KPNA6: variants seen among roughly 807,000 people sequenced by gnomAD.
KPNA6 encodes the protein importin subunit alpha-7.
In KPNA6, 9 loss-of-function variants were observed where a neutral mutation model predicts 72.0. The observed-to-expected ratio is 0.13, with a 90% CI of 0.08 to 0.22. The LOEUF (loss-of-function observed/expected upper bound fraction) is 0.22, where lower values mean the gene tolerates loss of function less well. KPNA6 is among the 10% of genes least tolerant of loss of function. The pLI, the probability that KPNA6 is intolerant of heterozygous loss-of-function variation, is 1.00. For synonymous variants in KPNA6, 219 were observed against 242.1 expected (o/e 0.90, Z 0.89); for missense variants, 374 against 655.7 (o/e 0.57, Z 4.69).
chr1:32,159,173 A>G (rs952691376), intron 5 of KPNA6, among the ~76,000 whole-genome samples: 3 of 152,198 alleles, frequency 2.0e-5, no homozygotes, highest in Non-Finnish European at 4.4e-5. Context: ...ATTCTCATCT[A>G]TATCACATCA....
rs143975779 is a variant in KPNA6 at position 32,132,567 on chromosome 1, G to A, written c.5-22021G>A. On this transcript the variant is annotated intron_variant, in intron 1 of 13. Coordinates refer to ENST00000373625, the MANE Select transcript of KPNA6 (RefSeq NM_012316.5). Reference sequence around the variant, plus strand: ...AACCTCCCAAAGTGGGAACACAGGCGTGAGCCACCATTTCCAGTCAGTGCA... The same window carrying A: ...AACCTCCCAAAGTGGGAACACAGGCATGAGCCACCATTTCCAGTCAGTGCA... Among the ~76,000 whole-genome samples, 243 of 152,268 alleles carry A rather than the reference G, an allele frequency of 1.6e-3. 1 individual carries two copies. Among genetic ancestry groups the A allele is most frequent in the African/African-American group, 5.7e-3 (236 of 41,562 alleles).
intron 8 of KPNA6, 104 bp from the exon 9 acceptor site, chr1:32,162,257 T>C: frequency 8.8e-7 from 1 of 1,137,368 alleles, no homozygotes; most frequent in Admixed American, 2.2e-5. Context: ...CTGGAATTAC[T>C]TGTGTGTGTG....
chr1:32,169,436 T>TTTTTC (rs1197381319), intron 12 of KPNA6, among the ~76,000 whole-genome samples: 68 of 151,064 alleles, frequency 4.5e-4, no homozygotes, highest in Admixed American at 7.3e-4. Flanking sequence ...GCACAATTCT[T>TTTTTC]TTTTCTTTTC....
chr1:32,145,599 A>G (rs1641916822), intron 1 of KPNA6, among the ~76,000 whole-genome samples: 1 of 152,182 alleles, frequency 6.6e-6, no homozygotes, highest in South Asian at 2.1e-4. Context: ...TGTTGAGATT[A>G]CAGATGTGAG....
intron 1 of KPNA6, among the ~76,000 whole-genome samples, chr1:32,133,665 CAG>C (rs1641681142): frequency 1.3e-5 from 2 of 152,010 alleles, no homozygotes; most frequent in South Asian, 4.1e-4. Flanking sequence ...GCCTGTATGA[CAG>C]AGCAAAAACC....
chr1:32,158,284 G>A lies in KPNA6; in HGVS notation c.349G>A (p.Asp117Asn). ...TTATCCAGAGCCTAGTCCTCCAATA[G>A]ATGAAGTTATCAACACTCCAAGAGT... ...LLSKEPSPPI[D>N]EVINTPRVVD... is the part of the protein sequence containing the mutation. The change falls in exon 5 of 14, where the codon GAT becomes AAT. Residue 117 changes from aspartate to asparagine, a missense_variant. Asp to Asn is a conservative substitution (Grantham distance 23). Around this residue, in one of 3 missense-constraint regions of KPNA6, gnomAD observed 298 missense variants for 495.4 expected, o/e 0.60. Transcript: ENST00000373625. 8 of 1,612,378 alleles carry A rather than the reference G, an allele frequency of 5.0e-6. No individual in the cohort carries two copies. Among genetic ancestry groups the A allele is most frequent in the Non-Finnish European group, 5.9e-6 (7 of 1,178,540 alleles).
rs144197907 is a variant in KPNA6, at chr1:32,118,103, T to C, written c.4+9969T>C. On this transcript the variant is annotated intron_variant, in intron 1 of 13. Coordinates refer to ENST00000373625, the MANE Select transcript of KPNA6 (RefSeq NM_012316.5). Reference sequence around the variant, plus strand: ...ATGCCCAGCTAATTGTTTGTATTTTTAGTAGAGACGGGGTTTCACCATGTT... The same window carrying C: ...ATGCCCAGCTAATTGTTTGTATTTTCAGTAGAGACGGGGTTTCACCATGTT... Among the ~76,000 whole-genome samples the C allele has an allele frequency of 1.6e-3, 241 of 152,194 alleles. 5 individuals carry two copies. The East Asian group carries it at 0.044, about 28-fold the overall frequency.
At chr1:32,129,168 T>C (rs1423818368) in intron 1 of KPNA6, among the ~76,000 whole-genome samples, 2 of 151,194 alleles carry the variant, frequency 1.3e-5, no homozygotes, top group African/African-American at 2.4e-5. Context: ...TTTTTTTCTT[T>C]CTTTTTTTTT....
rs879134449 is a variant in KPNA6, at chr1:32,157,560, T to C, written c.331+115T>C. 5 of 694,848 alleles carry C rather than the reference T, an allele frequency of 7.2e-6. No individual in the cohort carries two copies. The African/African-American group carries it at 9.0e-5, about 12-fold the overall frequency. The allele number at this position is 694,848 out of a possible 1,614,324, so 43.0% of individuals were successfully genotyped here. On this transcript the variant is annotated intron_variant, in intron 4 of 13. Coordinates refer to ENST00000373625, the MANE Select transcript of KPNA6 (RefSeq NM_012316.5). ...CATTCTGCTCTAGCCCTACTGACCTTGGTGTTGCTTGTACAAGATAGACAC... is the reference window on the plus strand; with the variant it reads ...CATTCTGCTCTAGCCCTACTGACCTCGGTGTTGCTTGTACAAGATAGACAC...
At chr1:32,124,163 A>G (rs1021945922) in intron 1 of KPNA6, among the ~76,000 whole-genome samples, 2 of 151,874 alleles carry the variant, frequency 1.3e-5, no homozygotes, top group South Asian at 2.1e-4. Flanking sequence ...GCTTGAGCCT[A>G]GGAGTTTGAG....
chr1:32,136,950 T>G (rs1641744898), intron 1 of KPNA6, among the ~76,000 whole-genome samples: 1 of 152,242 alleles, frequency 6.6e-6, no homozygotes, highest in Non-Finnish European at 1.5e-5. Flanking sequence ...ATACGTTGCT[T>G]TCCTTCTTGA....
At chr1:32,163,387 CCTTTCCTGCAAAGGG>C (rs1642277634) in intron 10 of KPNA6, 74 bp downstream of exon 10, 1 of 1,077,414 alleles carries the variant, frequency 9.3e-7, no homozygotes, top group Non-Finnish European at 1.4e-6. Context: ...TGGACAAAAG[CCTTTCCTGCAAAGGG>C]CTGTGGTCCT....
Position 32,170,053 on chromosome 1 carries a change from A to G in KPNA6, c.1416A>G (p.Glu472=). Residue 472 remains glutamate, a synonymous_variant, in exon 13 of 14, where the codon GAA becomes GAG. Coordinates refer to ENST00000373625, the MANE Select transcript of KPNA6 (RefSeq NM_012316.5). ...GVNPYCGLIE[E]AYGLDKIEFL... is the part of the protein sequence containing the mutation. ...ATCCTTATTGTGGCCTCATAGAGGAAGCCTATGGTATGTGCCCTCTCCTCA... is the reference window on the plus strand; with the variant it reads ...ATCCTTATTGTGGCCTCATAGAGGAGGCCTATGGTATGTGCCCTCTCCTCA... 6.2e-7 allele frequency: 1 copy of G among 1,613,818 alleles called. No homozygotes were observed.
intron 1 of KPNA6, among the ~76,000 whole-genome samples, chr1:32,144,284 C>A (rs1641892991): frequency 6.6e-6 from 1 of 152,062 alleles, no homozygotes; most frequent in African/African-American, 2.4e-5. Flanking sequence ...TGATTCATGT[C>A]CCAGGTGGAA....
chr1:32,143,335 G>A (rs1641873032), intron 1 of KPNA6, among the ~76,000 whole-genome samples: 1 of 151,910 alleles, frequency 6.6e-6, no homozygotes, highest in African/African-American at 2.4e-5. Flanking sequence ...CAAAGTGCTG[G>A]CAGTACAGGC....
intron 1 of KPNA6, among the ~76,000 whole-genome samples, chr1:32,149,241 T>C (rs1181466246): frequency 6.6e-6 from 1 of 152,148 alleles, no homozygotes; most frequent in East Asian, 1.9e-4. Flanking sequence ...TTATTGATAT[T>C]CTCATTTTAT....
chr1:32,122,167 G>A lies in KPNA6; in HGVS notation c.4+14033G>A, dbSNP rs557239049. On this transcript the variant is annotated intron_variant, in intron 1 of 13. Transcript: ENST00000373625. ...CAGGCGCCTGTAATCCCAGCTACTCGGGAGGCTAAGGCAACAGAATCGCTT... is the reference window on the plus strand; with the variant it reads ...CAGGCGCCTGTAATCCCAGCTACTCAGGAGGCTAAGGCAACAGAATCGCTT... 1.6e-3 allele frequency among the ~76,000 whole-genome samples: 238 copies of A among 151,706 alleles called. 1 individual carries two copies. The highest frequency in any genetic ancestry group is 3.4e-3 in the Middle Eastern group (1 of 292).
chr1:32,154,487 C>T (rs1021577434), intron 1 of KPNA6, 101 bp from the exon 2 acceptor site: 2 of 1,301,418 alleles, frequency 1.5e-6, no homozygotes, highest in East Asian at 4.8e-5. Flanking sequence ...TGTATTCCCC[C>T]CAGAGTAGGG....
chr1:32,156,691 A>C (rs1251001771), intron 2 of KPNA6, among the ~76,000 whole-genome samples, 162 bp from the exon 3 acceptor site: 1 of 152,240 alleles, frequency 6.6e-6, no homozygotes, highest in Non-Finnish European at 1.5e-5. Context: ...CTAAAATAAT[A>C]GAAAGCAAAA....
Sources: gnomAD v4.1 joint callset for allele counts (sites outside exome capture counted in the v4.1 genomes callset) on GRCh38, gnomAD v4.1.1 for gene constraint, gnomAD v4.1.1 regional missense constraint, MANE v1.5 for transcripts, NCBI Gene and HGNC (gene_info 2026-07-23, HGNC 2026-07-21) for gene names.